SLC6A2: variants seen among roughly 807,000 people sequenced by gnomAD.
SLC6A2 encodes sodium-dependent noradrenaline transporter.
Under a neutral mutation model 71.7 loss-of-function variants are expected in SLC6A2, and 26 were observed. That is an observed-to-expected ratio of 0.36 (90% CI 0.27 to 0.50). The LOEUF (loss-of-function observed/expected upper bound fraction) is 0.50, where lower values mean the gene tolerates loss of function less well. Ranked by LOEUF, SLC6A2 falls within the 20% of genes least tolerant of loss-of-function variation. The pLI is 0.96. For synonymous variants in SLC6A2, 363 were observed against 337.9 expected, an observed-to-expected ratio of 1.07 and a Z score of -0.82; for missense variants, 581 against 803.9, an observed-to-expected ratio of 0.72 and a Z score of 3.35.
intron 2 of SLC6A2, among the ~76,000 whole-genome samples, chr16:55,663,088 T>G (rs945598202): frequency 6.6e-6 from 1 of 152,234 alleles, no homozygotes; most frequent in Non-Finnish European, 1.5e-5. Context: ...TGACCCACTG[T>G]CTATAAATCA....
At chr16:55,695,713 G>A (rs1334127078) in intron 8 of SLC6A2, among the ~76,000 whole-genome samples, 1 of 152,176 alleles carries the variant, frequency 6.6e-6, no homozygotes, top group Non-Finnish European at 1.5e-5. Flanking sequence ...AGGCTGCCGG[G>A]CAAGTGTCAA....
chr16:55,697,397 T>G (rs1039450136), intron 9 of SLC6A2, among the ~76,000 whole-genome samples: 1 of 152,194 alleles, frequency 6.6e-6, no homozygotes, highest in Non-Finnish European at 1.5e-5. Context: ...TGAGACCCTT[T>G]CAGACTCTAA....
chr16:55,659,072 G>A (rs141875884), intron 2 of SLC6A2, among the ~76,000 whole-genome samples: 81 of 152,262 alleles, frequency 5.3e-4, no homozygotes, highest in Non-Finnish European at 9.6e-4. Flanking sequence ...TCTAGACAGT[G>A]GAAGGCTCTG....
intron 13 of SLC6A2, 67 bp downstream of exon 13, chr16:55,700,373 C>T (rs1239310295): frequency 7.2e-7 from 1 of 1,398,178 alleles, no homozygotes; most frequent in Non-Finnish European, 9.9e-7. Context: ...GGACGACTCT[C>T]ATTCCTGTTG....
chr16:55,700,739 T>C (rs1567459627), intron 13 of SLC6A2, among the ~76,000 whole-genome samples: 1 of 152,180 alleles, frequency 6.6e-6, no homozygotes, highest in Non-Finnish European at 1.5e-5. Context: ...CCTGCCTCTT[T>C]CCAGAACCTA....
Position 55,656,540 on chromosome 16 carries a change from A to G in SLC6A2, c.-51-104A>G, listed in dbSNP as rs1389855387. On this transcript the variant is annotated intron_variant, in intron 1 of 14. Coordinates refer to ENST00000568943, the MANE Select transcript of SLC6A2 (RefSeq NM_001172501.3). The surrounding 1 kb of genome is among the most constrained non-coding windows in gnomAD (Gnocchi z 4.5). ...TTTTCTGGGAACCCTGCGTCCGCTCAGCGCGCGCTCATCCCAGTGTCTAAG... is the reference window on the plus strand; with the variant it reads ...TTTTCTGGGAACCCTGCGTCCGCTCGGCGCGCGCTCATCCCAGTGTCTAAG... The G allele has an allele frequency of 1.2e-5, 11 of 917,642 alleles. No homozygotes were observed. The highest frequency in any genetic ancestry group is 1.9e-5 in the Non-Finnish European group (11 of 580,704). 56.8% of individuals were successfully genotyped at this position (917,642 alleles called of 1,614,324 possible). A position where few individuals can be genotyped will look rare whatever the true frequency, so the allele number is the denominator to read the frequency against.
At position 55,697,980 on chromosome 16, in the gene SLC6A2, C is replaced by A. The variant is rs148375394; in HGVS notation, c.1344C>A (p.Gly448=). The A allele has an allele frequency of 2.9e-5, 47 of 1,614,146 alleles. No homozygotes were observed. The highest frequency in any genetic ancestry group is 4.0e-5 in the African/African-American group (3 of 75,054). The change falls in exon 10 of 15, where the codon GGC becomes GGA. Residue 448 remains glycine (G), a synonymous_variant. Coordinates refer to ENST00000568943, the MANE Select transcript of SLC6A2 (RefSeq NM_001172501.3). The stretch of plus-strand genomic sequence containing the variant: ...GACACCGGAAACTCTTCACATTTGG[C>A]GTCACCTTCAGCACTTTCCTTCTCG... ...LKRHRKLFTF[G]VTFSTFLLAL...
intron 5 of SLC6A2, among the ~76,000 whole-genome samples, chr16:55,691,293 T>A (rs2142582099): frequency 7.1e-6 from 1 of 141,800 alleles, no homozygotes; most frequent in African/African-American, 2.7e-5. Flanking sequence ...CTGAGATTTC[T>A]AAATATCCTG....
intron 6 of SLC6A2, 101 bp downstream of exon 6, chr16:55,692,153 G>C: frequency 7.4e-7 from 1 of 1,359,136 alleles, no homozygotes; most frequent in Non-Finnish European, 1.0e-6. Flanking sequence ...CCACAAATGT[G>C]CAGTGTAGCC....
chr16:55,661,557 G>A (rs980792583), intron 2 of SLC6A2, among the ~76,000 whole-genome samples: 15 of 152,180 alleles, frequency 9.9e-5, no homozygotes, highest in African/African-American at 3.4e-4. Context: ...CTAGACTTAG[G>A]AGTGGGGCAG....
intron 5 of SLC6A2, among the ~76,000 whole-genome samples, chr16:55,688,125 C>T (rs1759030570): frequency 6.6e-6 from 1 of 152,216 alleles, no homozygotes; most frequent in Non-Finnish European, 1.5e-5. Flanking sequence ...TTACTGTGCT[C>T]TGTCTTTAAT....
At chr16:55,669,752 T>C in intron 3 of SLC6A2, 56 bp downstream of exon 3, 1 of 1,594,080 alleles carries the variant, frequency 6.3e-7, no homozygotes, top group Non-Finnish European at 8.6e-7. Context: ...CCTGTTGCCC[T>C]TGGGGAATCT....
In SLC6A2 at chr16:55,672,130, C is replaced by A; in HGVS notation, c.599C>A (p.Thr200Asn). The A allele has an allele frequency of 6.2e-7, 1 of 1,614,182 alleles. No individual in the cohort carries two copies. Among genetic ancestry groups the A allele is most frequent in the Non-Finnish European group, 8.5e-7 (1 of 1,180,036 alleles). ...AATGGCTCCGTGCTTGGCAACCACA[C>A]CAAGTACTCCAAGTACAAGTTCACG... The part of the protein sequence containing the change: ...LLNGSVLGNH[T>N]KYSKYKFTPA... The change falls in exon 4 of 15, where the codon ACC (threonine) becomes AAC (asparagine). Residue 200 changes from threonine (T) to asparagine (N), a missense_variant. Around this residue, in one of 5 missense-constraint regions of SLC6A2, gnomAD observed 87 missense variants for 99.5 expected, o/e 0.87. Coordinates refer to ENST00000568943, the MANE Select transcript of SLC6A2 (RefSeq NM_001172501.3).
Position 55,705,180 on chromosome 16 carries a change from A to T in SLC6A2, c.*2834A>T, listed in dbSNP as rs144407579. On this transcript the variant is annotated 3_prime_UTR_variant, in exon 15 of 15. Coordinates refer to ENST00000568943, the MANE Select transcript of SLC6A2 (RefSeq NM_001172501.3). The stretch of plus-strand genomic sequence containing the variant: ...TCACATTTACGTCTACTCAATGTCT[A>T]GTTATTTAGCACCCACCTTTTAGCT... 6.4e-3 allele frequency: 9,192 copies of T among 1,441,114 alleles called. 501 individuals carry two copies. In the South Asian group the frequency reaches 0.094, roughly 15 times the overall value. 89.3% of individuals were successfully genotyped at this position (1,441,114 alleles called of 1,614,324 possible). A position where few individuals can be genotyped will look rare whatever the true frequency, so the allele number is the denominator to read the frequency against.
At chr16:55,687,529 G>A (rs1279741160) in intron 5 of SLC6A2, among the ~76,000 whole-genome samples, 2 of 151,686 alleles carry the variant, frequency 1.3e-5, no homozygotes, top group Non-Finnish European at 2.9e-5. Context: ...CAAAACTGTA[G>A]AGATGTGGAA....
rs1331945716 is a variant in SLC6A2, at chr16:55,685,289, C to T, written c.783+8C>T. The T allele has an allele frequency of 6.2e-6, 10 of 1,613,420 alleles. No homozygotes were observed. The highest frequency in any genetic ancestry group is 8.5e-6 in the Non-Finnish European group (10 of 1,179,368). ...GTGAAGACATCAGGAAAGGTAATATCTCTGTGTTTCTCTTTCACTTACTTG... is the reference window on the plus strand; with the variant it reads ...GTGAAGACATCAGGAAAGGTAATATTTCTGTGTTTCTCTTTCACTTACTTG... On this transcript the variant is annotated splice_region_variant and intron_variant, in intron 5 of 14. Transcript: ENST00000568943.
At chr16:55,687,731 C>A (rs1965499090) in intron 5 of SLC6A2, among the ~76,000 whole-genome samples, 2 of 152,228 alleles carry the variant, frequency 1.3e-5, no homozygotes, top group South Asian at 4.1e-4. Context: ...TCTAACATTG[C>A]ACCCCAAGAT....
intron 4 of SLC6A2, among the ~76,000 whole-genome samples, chr16:55,674,204 T>A (rs79192191): frequency 0.016 from 2,488 of 152,140 alleles, 63 homozygotes; most frequent in African/African-American, 0.054. Context: ...CTCACTCTTG[T>A]TGTCCCCATT....
intron 4 of SLC6A2, among the ~76,000 whole-genome samples, chr16:55,684,938 G>T (rs1239773040): frequency 6.6e-6 from 1 of 152,212 alleles, no homozygotes; most frequent in Admixed American, 6.5e-5. Context: ...GCCTCTTCTA[G>T]GACAGAGTGG....
Sources: allele counts gnomAD v4.1 joint callset (sites outside exome capture counted in the v4.1 genomes callset), GRCh38; gene constraint gnomAD v4.1.1; regional missense constraint gnomAD v4.1.1; non-coding constraint Gnocchi (gnomAD v3.1); transcripts MANE v1.5; gene names NCBI Gene and HGNC (gene_info 2026-07-23, HGNC 2026-07-21).